The following TENM4 variants were observed in gnomAD, a reference collection of about 807,000 sequenced individuals.
TENM4 encodes the protein teneurin-4.
Under a neutral mutation model 243.3 loss-of-function variants are expected in TENM4, and 82 were observed. The observed-to-expected ratio is 0.34, with a 90% CI of 0.28 to 0.40. The LOEUF is 0.40. Among genes scored for constraint, TENM4 ranks in the 10% least tolerant of loss-of-function variants. TENM4 has a pLI of 1.00. For synonymous variants in TENM4, 1,412 were observed against 1,456.3 expected, an observed-to-expected ratio of 0.97 and a Z score of 0.69; for missense variants, 3,138 against 3,673.3, an observed-to-expected ratio of 0.85 and a Z score of 3.77.
chr11:79,408,080 T>C (rs1337872720), intron 1 of TENM4, among the ~76,000 whole-genome samples: 1 of 152,074 alleles, frequency 6.6e-6, no homozygotes, highest in African/African-American at 2.4e-5. Context: ...ATTTTTGTAT[T>C]TTTAGTACAG....
chr11:78,931,357 C>T (rs369348863), intron 6 of TENM4, among the ~76,000 whole-genome samples: 7 of 152,252 alleles, frequency 4.6e-5, no homozygotes, highest in African/African-American at 1.7e-4. Context: ...GGAGGCTCAG[C>T]AAGAAGGGAG....
intron 1 of TENM4, among the ~76,000 whole-genome samples, chr11:79,399,648 G>A (rs1404018878): frequency 1.3e-5 from 2 of 151,950 alleles, no homozygotes; most frequent in Non-Finnish European, 1.5e-5. Flanking sequence ...ATAACTTGAT[G>A]GATCTTAGTT....
At chr11:78,881,563 G>T (rs931872068) in intron 9 of TENM4, among the ~76,000 whole-genome samples, 3 of 152,090 alleles carry the variant, frequency 2.0e-5, no homozygotes, top group Non-Finnish European at 2.9e-5. Context: ...AGAACCATTA[G>T]CCAGGGGGTA....
chr11:79,321,041 C>T (rs1367207476), intron 1 of TENM4, among the ~76,000 whole-genome samples: 2 of 152,202 alleles, frequency 1.3e-5, no homozygotes, highest in Admixed American at 1.3e-4. Context: ...TTTATCCTAG[C>T]AATTATTCTA....
chr11:78,905,398 G>A (rs1228314195), intron 6 of TENM4, among the ~76,000 whole-genome samples: 3 of 152,174 alleles, frequency 2.0e-5, no homozygotes, highest in African/African-American at 7.2e-5. Context: ...GGGAATTCGG[G>A]AAAGGGGAGT....
intron 1 of TENM4, among the ~76,000 whole-genome samples, chr11:79,298,949 G>A (rs1414743822): frequency 6.6e-6 from 1 of 151,940 alleles, no homozygotes; most frequent in African/African-American, 2.4e-5. Context: ...CCTATGAAAA[G>A]CAACCTTGCA....
At chr11:79,342,507 G>A (rs765324898) in intron 1 of TENM4, among the ~76,000 whole-genome samples, 1 of 152,104 alleles carries the variant, frequency 6.6e-6, no homozygotes, top group Non-Finnish European at 1.5e-5. Context: ...AAGGAACTGC[G>A]TGGCCTCCCT....
Position 78,756,959 on chromosome 11 carries a change from G to A in TENM4, c.2602C>T (p.Leu868=), listed in dbSNP as rs749070085. 1.2e-5 allele frequency: 20 copies of A among 1,613,910 alleles called. No homozygotes were observed. Among genetic ancestry groups the A allele is most frequent in the Admixed American group, 3.3e-5 (2 of 60,012 alleles). ...AGAGGGTTAGGGGAGCCAAGGCACA[G>A]CGGGTTGATATGGCACAGGGGCTGG... ...CLQPLCHINP[L]CLGSPNPLDI... The change falls in exon 19 of 34, where the codon CTG becomes TTG. Residue 868 remains leucine (L), a synonymous_variant. Coordinates refer to ENST00000278550, the MANE Select transcript of TENM4 (RefSeq NM_001098816.3).
chr11:79,092,085 T>C (rs550156673), intron 4 of TENM4, among the ~76,000 whole-genome samples: 2 of 152,262 alleles, frequency 1.3e-5, no homozygotes, highest in African/African-American at 2.4e-5. Flanking sequence ...TGGGTGTTGG[T>C]CTCATTCAAA....
chr11:79,262,749 G>T (rs757154880), intron 2 of TENM4, among the ~76,000 whole-genome samples: 1 of 152,216 alleles, frequency 6.6e-6, no homozygotes, highest in Admixed American at 6.5e-5. Context: ...CCTTAGGCTG[G>T]CTGTGTGATC....
At chr11:79,172,824 A>G (rs1017060876) in intron 3 of TENM4, among the ~76,000 whole-genome samples, 1 of 152,002 alleles carries the variant, frequency 6.6e-6, no homozygotes, top group Non-Finnish European at 1.5e-5. Context: ...TATTTTTAGT[A>G]GAGACGGAGT....
intron 2 of TENM4, among the ~76,000 whole-genome samples, chr11:79,288,363 G>C (rs1244644058): frequency 1.3e-5 from 2 of 152,222 alleles, no homozygotes; most frequent in Non-Finnish European, 2.9e-5. Flanking sequence ...TCTATACTCT[G>C]TTCAGTGAAA....
rs768434000 is a variant in TENM4 at position 78,658,405 on chromosome 11, C to T, written c.7963G>A (p.Val2655Ile). 1.9e-6 allele frequency: 3 copies of T among 1,614,052 alleles called. No homozygotes were observed. In the Admixed American group the frequency reaches 5.0e-5, roughly 27 times the overall value. The change falls in exon 34 of 34, where the codon GTA becomes ATA. Residue 2655 changes from valine to isoleucine, a missense_variant. Around this residue, in one of 2 missense-constraint regions of TENM4, gnomAD observed 2,467 missense variants for 3,059.1 expected, o/e 0.81. Transcript: ENST00000278550. ...TAGCGTCTAGTCCTGCCATTAAGTA[C>T]TGTGTTGATCTGGGACACAGTGACG... ...VNVTVSQINT[V>I]LNGRTRRYTD...
chr11:78,991,293 T>G (rs1858037803), intron 6 of TENM4, among the ~76,000 whole-genome samples: 2 of 69,798 alleles, frequency 2.9e-5, no homozygotes, highest in Non-Finnish European at 6.3e-5. Context: ...GAACTTCACA[T>G]CCCTTTTGAG....
chr11:79,017,361 G>A (rs1858805532), intron 6 of TENM4, among the ~76,000 whole-genome samples: 1 of 152,196 alleles, frequency 6.6e-6, no homozygotes, highest in Non-Finnish European at 1.5e-5. Flanking sequence ...AAATGGCCTT[G>A]TTCCAAAGGT....
chr11:78,878,105 A>G (rs1421114750), intron 9 of TENM4, among the ~76,000 whole-genome samples: 2 of 152,126 alleles, frequency 1.3e-5, no homozygotes, highest in African/African-American at 4.8e-5. Context: ...TCACTGATAT[A>G]CACTTTCCAC....
intron 2 of TENM4, among the ~76,000 whole-genome samples, chr11:79,265,832 G>C (rs1164043352): frequency 6.6e-6 from 1 of 152,136 alleles, no homozygotes; most frequent in East Asian, 1.9e-4. Context: ...TATGCTATCT[G>C]TTCCCGTCTC....
intron 6 of TENM4, among the ~76,000 whole-genome samples, chr11:79,046,104 C>G (rs538209319): frequency 5.3e-5 from 8 of 152,352 alleles, no homozygotes; most frequent in East Asian, 3.9e-4. Flanking sequence ...CACACATGGT[C>G]TCAGGCAGGA....
At chr11:78,902,877 A>C (rs1320709091) in intron 7 of TENM4, among the ~76,000 whole-genome samples, 3 of 151,792 alleles carry the variant, frequency 2.0e-5, no homozygotes, top group Non-Finnish European at 4.4e-5. Flanking sequence ...GGCCCGAGCC[A>C]AACCAGACTG....
Sources: gnomAD v4.1 joint callset for allele counts (sites outside exome capture counted in the v4.1 genomes callset) on GRCh38, gnomAD v4.1.1 for gene constraint, gnomAD v4.1.1 regional missense constraint, MANE v1.5 for transcripts, NCBI Gene and HGNC (gene_info 2026-07-23, HGNC 2026-07-21) for gene names.